The following DNAH5 variants were observed in gnomAD, a reference collection of about 807,000 sequenced individuals.
The protein encoded by DNAH5 is dynein axonemal heavy chain 5, also known as axonemal beta dynein heavy chain 5.
In DNAH5, 372 loss-of-function variants were observed where a neutral mutation model predicts 518.2. The observed-to-expected ratio is 0.72, with a 90% CI of 0.66 to 0.78. The LOEUF (loss-of-function observed/expected upper bound fraction) is 0.78, where lower values mean the gene tolerates loss of function less well. Among genes scored for constraint, DNAH5 ranks in the 30% least tolerant of loss-of-function variants. The pLI, the probability that DNAH5 is intolerant of heterozygous loss-of-function variation, is 0.00. For missense variants in DNAH5, 5,523 were observed against 5,687.0 expected, an observed-to-expected ratio of 0.97 and a Z score of 0.93; for synonymous variants, 2,039 against 2,025.9, an observed-to-expected ratio of 1.01 and a Z score of -0.17.
At chr5:13,766,779 T>C (rs1170757144) in intron 58 of DNAH5, among the ~76,000 whole-genome samples, 4 of 152,228 alleles carry the variant, frequency 2.6e-5, no homozygotes, top group African/African-American at 7.2e-5. Flanking sequence ...TATACACTTA[T>C]AGAGTAAATG....
chr5:13,718,212 T>A (rs1744564674), intron 72 of DNAH5, among the ~76,000 whole-genome samples: 1 of 152,138 alleles, frequency 6.6e-6, no homozygotes, highest in African/African-American at 2.4e-5. Context: ...TTATTTCAAT[T>A]CTCCTAGAGA....
chr5:13,809,462 A>C (rs1292341329), intron 45 of DNAH5, among the ~76,000 whole-genome samples: 2 of 152,226 alleles, frequency 1.3e-5, no homozygotes, highest in Non-Finnish European at 2.9e-5. Context: ...AATATGTATA[A>C]AAATACAGAA....
chr5:13,828,533 G>C lies in DNAH5; in HGVS notation c.6444+977C>G, dbSNP rs150938077. Among the ~76,000 whole-genome samples the C allele has an allele frequency of 1.1e-3, 174 of 152,310 alleles. 1 individual carries two copies. The highest frequency in any genetic ancestry group is 3.8e-3 in the African/African-American group (159 of 41,566). ...CTTCTAACTAATAGAATACAGCAGAGACAACAGGTTGTATGTGATTATGTG... is the reference window on the plus strand; with the variant it reads ...CTTCTAACTAATAGAATACAGCAGACACAACAGGTTGTATGTGATTATGTG... On this transcript the variant is annotated intron_variant, in intron 38 of 78. Coordinates refer to ENST00000265104, the MANE Select transcript of DNAH5 (RefSeq NM_001369.3).
In DNAH5 at chr5:13,691,981, A is replaced by G. The variant is rs1561057588; in HGVS notation, c.*3T>C. On this transcript the variant is annotated 3_prime_UTR_variant, in exon 79 of 79. Transcript: ENST00000265104. Reference sequence around the variant, plus strand: ...AGCATTGGGTGGGGACACTCCCCACATGTTACTTGACATCACACAGAAGGG... The same window carrying G: ...AGCATTGGGTGGGGACACTCCCCACGTGTTACTTGACATCACACAGAAGGG... 1 of 1,614,120 alleles carries G rather than the reference A, an allele frequency of 6.2e-7. No homozygotes were observed.
intron 12 of DNAH5, among the ~76,000 whole-genome samples, chr5:13,908,697 T>G (rs1229137167): frequency 6.6e-6 from 1 of 152,164 alleles, no homozygotes; most frequent in Non-Finnish European, 1.5e-5. Flanking sequence ...CTTCTAGACT[T>G]CCAACAGCCC....
intron 71 of DNAH5, among the ~76,000 whole-genome samples, chr5:13,719,844 C>T (rs998035247): frequency 3.3e-5 from 5 of 152,090 alleles, no homozygotes; most frequent in Non-Finnish European, 7.4e-5. Context: ...GGGAATCTGA[C>T]CACACTAAGA....
At chr5:13,986,143 C>T (rs1783039920) in intron 1 of DNAH5, among the ~76,000 whole-genome samples, 1 of 152,190 alleles carries the variant, frequency 6.6e-6, no homozygotes, top group Non-Finnish European at 1.5e-5. Context: ...CTTAGGGTCT[C>T]CTGCCGGAGG....
Position 13,963,309 on chromosome 5 carries a change from GGCTCACGCCTATAATCCCA to G in DNAH5, c.13-32084_13-32066del, listed in dbSNP as rs377693829. On this transcript the variant is annotated intron_variant, in intron 1 of 78. Transcript: ENST00000681290. ...AATAAATGACCTGGTCGGAAGCGGT[GGCTCACGCCTATAATCCCA>G]GCACTTTGGGAGGCCGAGGCGGGTG... is the stretch of plus-strand genomic sequence containing the variant. 1.6e-3 allele frequency among the ~76,000 whole-genome samples: 243 copies of G among 152,250 alleles called. 1 individual carries two copies. Among genetic ancestry groups the G allele is most frequent in the African/African-American group, 5.6e-3 (233 of 41,548 alleles).
chr5:13,913,443 A>C (rs920795115), intron 11 of DNAH5, among the ~76,000 whole-genome samples: 11 of 152,160 alleles, frequency 7.2e-5, no homozygotes, highest in African/African-American at 2.7e-4. Context: ...AGAATAAATA[A>C]AACAATAAGT....
chr5:13,740,071 T>C (rs1002933764), intron 65 of DNAH5, among the ~76,000 whole-genome samples: 16 of 152,088 alleles, frequency 1.1e-4, no homozygotes, highest in East Asian at 3.9e-4. Context: ...ACTATTCTTC[T>C]AGATGCTCTG....
chr5:13,793,461 A>G (rs1757322676), intron 49 of DNAH5, 54 bp downstream of exon 49: 1 of 1,497,772 alleles, frequency 6.7e-7, no homozygotes, highest in Admixed American at 1.7e-5. Context: ...TCAAAAAGGA[A>G]CCCAAGCAGG....
intron 72 of DNAH5, among the ~76,000 whole-genome samples, chr5:13,718,648 G>T (rs1201334371): frequency 6.6e-6 from 1 of 152,192 alleles, no homozygotes; most frequent in Non-Finnish European, 1.5e-5. Context: ...AGAACAGCAT[G>T]GGCTTAAATA....
At position 13,716,578 on chromosome 5, in the gene DNAH5, C is replaced by G; in HGVS notation, c.12818G>C (p.Ser4273Thr). 6.2e-7 allele frequency: 1 copy of G among 1,613,870 alleles called. No individual in the cohort carries two copies. The highest frequency in any genetic ancestry group is 1.1e-5 in the South Asian group (1 of 91,074). Residue 4273 changes from serine to threonine, a missense_variant, in exon 74 of 79, where the codon AGT (serine) becomes ACT (threonine). By Grantham distance (58) the Ser-to-Thr change is moderately conservative (BLOSUM62 1). Transcript: ENST00000265104. ...LLNTFAKVWF[S>T]ENMFGPDFSF... The stretch of plus-strand genomic sequence containing the variant: ...GAAATCTGGTCCAAACATATTTTCA[C>G]TGAACCAAACCTTAGCAAATGTGTT...
chr5:13,919,031 G>A (rs565700188), intron 7 of DNAH5, 145 bp downstream of exon 7: 8 of 1,003,604 alleles, frequency 8.0e-6, no homozygotes, highest in South Asian at 1.5e-5. Flanking sequence ...CCTCCAAAGT[G>A]ATGTGAGGGA....
chr5:13,882,432 T>C (rs914755716), intron 21 of DNAH5, among the ~76,000 whole-genome samples: 3 of 151,904 alleles, frequency 2.0e-5, no homozygotes, highest in African/African-American at 7.3e-5. Flanking sequence ...CCTAGCAAAT[T>C]ATATTCAACA....
chr5:13,957,091 C>A (rs1780810869), intron 1 of DNAH5, among the ~76,000 whole-genome samples: 3 of 152,204 alleles, frequency 2.0e-5, no homozygotes, highest in Admixed American at 1.3e-4. Context: ...GCATTTCAAT[C>A]TCATGCCCTA....
intron 5 of DNAH5, among the ~76,000 whole-genome samples, chr5:13,921,419 T>TCC (rs1263946544): frequency 8.0e-6 from 1 of 125,654 alleles, no homozygotes; most frequent in Non-Finnish European, 1.7e-5. Context: ...ATCTTCTCTC[T>TCC]CTCTCCCTCT....
chr5:13,864,370 G>A, intron 28 of DNAH5, 27 bp downstream of exon 28: 1 of 1,612,566 alleles, frequency 6.2e-7, no homozygotes, highest in Non-Finnish European at 8.5e-7. Context: ...ATGAGACCTT[G>A]CAATCTTCCA....
chr5:13,692,996 T>A (rs1179261143), intron 78 of DNAH5, among the ~76,000 whole-genome samples: 1 of 152,170 alleles, frequency 6.6e-6, no homozygotes, highest in African/African-American at 2.4e-5. Flanking sequence ...GTGAGCAGCC[T>A]GGGAGTTTAA....
Sources: gnomAD v4.1 joint callset for allele counts (sites outside exome capture counted in the v4.1 genomes callset) on GRCh38, gnomAD v4.1.1 for gene constraint, MANE v1.5 for transcripts, NCBI Gene and HGNC (gene_info 2026-07-23, HGNC 2026-07-21) for gene names.